Variants in DCC observed in about 807,000 individuals in gnomAD.
DCC encodes netrin receptor DCC.
In DCC, 58 loss-of-function variants were observed where a neutral mutation model predicts 172.5. The observed-to-expected ratio is 0.34, with a 90% CI of 0.27 to 0.42. The LOEUF is 0.42. Ranked by LOEUF, DCC falls within the 10% of genes least tolerant of loss-of-function variation. The pLI is 1.00. For synonymous variants in DCC, 709 were observed against 644.5 expected, an observed-to-expected ratio of 1.10 and a Z score of -1.52; for missense variants, 1,740 against 1,791.0, an observed-to-expected ratio of 0.97 and a Z score of 0.51.
chr18:53,335,961 C>G (rs1182124128), intron 14 of DCC, among the ~76,000 whole-genome samples: 1 of 152,142 alleles, frequency 6.6e-6, no homozygotes, highest in Non-Finnish European at 1.5e-5. Context: ...ACAGGAAAGA[C>G]CGCCCCTGTG....
chr18:52,952,687 AT>A (rs2040670816), intron 5 of DCC, among the ~76,000 whole-genome samples: 1 of 152,152 alleles, frequency 6.6e-6, no homozygotes, highest in Non-Finnish European at 1.5e-5. Context: ...AATCATTTAA[AT>A]GATTTCTCAC....
chr18:53,520,075 G>A (rs1270919932), intron 27 of DCC, among the ~76,000 whole-genome samples: 2 of 152,030 alleles, frequency 1.3e-5, no homozygotes, highest in Admixed American at 6.6e-5. Context: ...AACAAAGTGG[G>A]CTTTAAACCT....
At chr18:52,985,728 T>G (rs1259729666) in intron 5 of DCC, among the ~76,000 whole-genome samples, 1 of 152,152 alleles carries the variant, frequency 6.6e-6, no homozygotes, top group Admixed American at 6.6e-5. Context: ...TAATTCTCTA[T>G]GTCTGTTAAT....
At chr18:53,063,282 C>CTT (rs751734760) in intron 5 of DCC, 23 bp from the exon 6 acceptor site, 4 of 1,462,802 alleles carry the variant, frequency 2.7e-6, no homozygotes, top group Non-Finnish European at 3.8e-6. Flanking sequence ...CACTCACTCA[C>CTT]TTTTTTTTTT....
At chr18:52,595,221 G>T (rs570412417) in intron 1 of DCC, among the ~76,000 whole-genome samples, 1 of 152,270 alleles carries the variant, frequency 6.6e-6, no homozygotes, top group African/African-American at 2.4e-5. Flanking sequence ...ACAAGTCTTT[G>T]CTAAAAAGAT....
chr18:53,185,918 A>G, intron 9 of DCC, among the ~76,000 whole-genome samples: 1 of 152,256 alleles, frequency 6.6e-6, no homozygotes, highest in East Asian at 1.9e-4. Context: ...ACCTGAAGAT[A>G]TGCTGTTTAT....
intron 2 of DCC, among the ~76,000 whole-genome samples, chr18:52,851,995 A>G (rs1251121958): frequency 6.6e-6 from 1 of 152,152 alleles, no homozygotes; most frequent in Non-Finnish European, 1.5e-5. Flanking sequence ...CATACATATA[A>G]CACAAGCACA....
At chr18:52,893,991 C>T (rs1471163625) in intron 2 of DCC, among the ~76,000 whole-genome samples, 3 of 152,158 alleles carry the variant, frequency 2.0e-5, no homozygotes, top group East Asian at 1.9e-4. Context: ...TACTGACTTA[C>T]TTGCCATCTC....
rs185145513 is a variant in DCC at position 52,861,947 on chromosome 18, T to A, written c.413-44097T>A. On this transcript the variant is annotated intron_variant, in intron 2 of 28. Coordinates refer to ENST00000442544, the MANE Select transcript of DCC (RefSeq NM_005215.4). Reference sequence around the variant, plus strand: ...TAAAGCAATAATTTTCTGTGAATGATAAAAGACTTAGAATAGCCACGGGTA... The same window carrying A: ...TAAAGCAATAATTTTCTGTGAATGAAAAAAGACTTAGAATAGCCACGGGTA... Among the ~76,000 whole-genome samples, 333 of 152,254 alleles carry A rather than the reference T, an allele frequency of 2.2e-3. 2 individuals carry two copies. The highest frequency in any genetic ancestry group is 3.8e-3 in the Non-Finnish European group (256 of 68,012).
intron 1 of DCC, among the ~76,000 whole-genome samples, chr18:52,680,751 A>T (rs942229933): frequency 6.6e-6 from 1 of 152,046 alleles, no homozygotes; most frequent in Non-Finnish European, 1.5e-5. Flanking sequence ...TCATAATAGG[A>T]TGGCCAAGTT....
intron 1 of DCC, among the ~76,000 whole-genome samples, chr18:52,350,391 G>A (rs1014290485): frequency 1.4e-4 from 21 of 152,286 alleles, no homozygotes; most frequent in African/African-American, 5.1e-4. Context: ...GATGAAGTTG[G>A]AAACCATCAT....
intron 1 of DCC, among the ~76,000 whole-genome samples, chr18:52,579,615 T>C (rs1227088151): frequency 6.6e-6 from 1 of 152,202 alleles, no homozygotes; most frequent in East Asian, 1.9e-4. Flanking sequence ...CTGTATCTTA[T>C]AAACCAAGAA....
chr18:53,008,729 T>G (rs192240119), intron 5 of DCC, among the ~76,000 whole-genome samples: 1 of 150,172 alleles, frequency 6.7e-6, no homozygotes, highest in East Asian at 2.1e-4. Context: ...TTAATAGAAA[T>G]TGTAAAATAT....
chr18:52,876,242 C>A (rs1485334928), intron 2 of DCC, among the ~76,000 whole-genome samples: 1 of 152,090 alleles, frequency 6.6e-6, no homozygotes, highest in African/African-American at 2.4e-5. Context: ...ACATCAGAGC[C>A]TAGAGAATCT....
chr18:52,502,657 C>A (rs2031072617), intron 1 of DCC, among the ~76,000 whole-genome samples: 1 of 152,104 alleles, frequency 6.6e-6, no homozygotes, highest in Admixed American at 6.6e-5. Flanking sequence ...CAATCCATTG[C>A]TGGTTCCAAT....
At chr18:52,735,425 G>T (rs1470716658) in intron 1 of DCC, among the ~76,000 whole-genome samples, 1 of 152,130 alleles carries the variant, frequency 6.6e-6, no homozygotes, top group Non-Finnish European at 1.5e-5. Flanking sequence ...CGGGATAGAT[G>T]AATATATGAA....
intron 12 of DCC, among the ~76,000 whole-genome samples, chr18:53,284,698 G>A (rs1006688884): frequency 6.6e-6 from 1 of 152,160 alleles, no homozygotes; most frequent in African/African-American, 2.4e-5. Context: ...CTTTGGAACT[G>A]GGTAACAGGC....
intron 1 of DCC, among the ~76,000 whole-genome samples, chr18:52,369,669 A>G (rs1985032213): frequency 1.3e-5 from 2 of 152,042 alleles, no homozygotes; most frequent in African/African-American, 4.8e-5. Flanking sequence ...AAGATATTAT[A>G]TAAACCAAAT....
intron 5 of DCC, among the ~76,000 whole-genome samples, chr18:52,985,545 TGCTG>T (rs1488965418): frequency 6.6e-6 from 1 of 152,158 alleles, no homozygotes; most frequent in African/African-American, 2.4e-5. Context: ...GTATGGGTCT[TGCTG>T]GCCACTTAAC....
Sources: gnomAD v4.1 joint callset for allele counts (sites outside exome capture counted in the v4.1 genomes callset) on GRCh38, gnomAD v4.1.1 for gene constraint, MANE v1.5 for transcripts, NCBI Gene and HGNC (gene_info 2026-07-23, HGNC 2026-07-21) for gene names.